Variants in ASIC5 observed in about 807,000 individuals in gnomAD.
ASIC5 encodes acid sensing ion channel subunit family member 5, also known as bile acid-sensitive ion channel.
ASIC5 carries 52 observed loss-of-function variants against 51.2 expected under a neutral mutation model. The ratio of observed to expected loss-of-function variants is 1.02; its 90% CI spans 0.81 to 1.28. The LOEUF (loss-of-function observed/expected upper bound fraction) is 1.28. Among genes scored for constraint, ASIC5 ranks in the 50% most tolerant of loss-of-function variants. The pLI, the probability that ASIC5 is intolerant of heterozygous loss-of-function variation, is 0.00. For synonymous variants in ASIC5, 231 were observed against 200.7 expected, an observed-to-expected ratio of 1.15 and a Z score of -1.28; for missense variants, 635 against 595.0, an observed-to-expected ratio of 1.07 and a Z score of -0.70.
chr4:155,866,115 T>C (rs1419056047), intron 1 of ASIC5, 72 bp downstream of exon 1: 35 of 930,742 alleles, frequency 3.8e-5, no homozygotes, highest in Non-Finnish European at 3.3e-6. Context: ...AGAAAAAAAA[T>C]CTCTCTTTTC....
chr4:155,840,712 C>T lies in ASIC5; in HGVS notation c.1009+1495G>A, dbSNP rs190736053. 4.0e-3 allele frequency among the ~76,000 whole-genome samples: 613 copies of T among 151,992 alleles called. 4 individuals are homozygous for T. Among genetic ancestry groups the T allele is most frequent in the African/African-American group, 0.014 (590 of 41,478 alleles). ...CCTTCCTGCCTGGGGACTAGATTGC[C>T]TATATAGGGCTAACAAATTAGCCAC... is the stretch of plus-strand genomic sequence containing the variant. On this transcript the variant is annotated intron_variant, in intron 6 of 9. Coordinates refer to ENST00000537611, the MANE Select transcript of ASIC5 (RefSeq NM_017419.3).
intron 4 of ASIC5, among the ~76,000 whole-genome samples, chr4:155,845,713 A>C (rs1315653658): frequency 3.3e-5 from 5 of 152,054 alleles, no homozygotes; most frequent in Non-Finnish European, 5.9e-5. Flanking sequence ...ATTATGATAG[A>C]GTTCTATAAT....
chr4:155,832,099 A>C (rs934233618), intron 8 of ASIC5, among the ~76,000 whole-genome samples, 184 bp from the exon 9 acceptor site: 2 of 152,258 alleles, frequency 1.3e-5, no homozygotes, highest in Non-Finnish European at 2.9e-5. Context: ...GTTTTTAAGA[A>C]AAAATAATTT....
chr4:155,850,734 C>T (rs1022877101), intron 4 of ASIC5, among the ~76,000 whole-genome samples: 1 of 152,020 alleles, frequency 6.6e-6, no homozygotes, highest in African/African-American at 2.4e-5. Flanking sequence ...TGGCCCTCTT[C>T]ATTTTGCAAT....
At chr4:155,837,418 C>T (rs1246622357) in intron 7 of ASIC5, among the ~76,000 whole-genome samples, 2 of 152,130 alleles carry the variant, frequency 1.3e-5, no homozygotes, top group African/African-American at 4.8e-5. Flanking sequence ...TTCAGAGCAA[C>T]CAGGCTGTCC....
chr4:155,847,504 T>A (rs966593079), intron 4 of ASIC5, among the ~76,000 whole-genome samples: 1 of 152,042 alleles, frequency 6.6e-6, no homozygotes, highest in Non-Finnish European at 1.5e-5. Context: ...GTGGATCACC[T>A]GAGGTCAGGA....
At chr4:155,853,792 T>C (rs1023796011) in intron 3 of ASIC5, among the ~76,000 whole-genome samples, 6 of 151,782 alleles carry the variant, frequency 4.0e-5, no homozygotes, top group African/African-American at 1.4e-4. Context: ...AAAATTAAAA[T>C]ATCCTCTTGT....
At chr4:155,861,899 T>G (rs1026042690) in intron 2 of ASIC5, among the ~76,000 whole-genome samples, 7 of 152,110 alleles carry the variant, frequency 4.6e-5, no homozygotes, top group African/African-American at 1.7e-4. Flanking sequence ...CCTCAACTTA[T>G]GTAATTATAT....
intron 9 of ASIC5, among the ~76,000 whole-genome samples, chr4:155,831,552 A>G (rs1033446609): frequency 2.6e-5 from 4 of 152,148 alleles, no homozygotes; most frequent in Non-Finnish European, 5.9e-5. Context: ...TGGGCGGATC[A>G]CGGGGTCAGG....
rs772468561 is a variant in ASIC5, at chr4:155,836,802, G to A, written c.1122C>T (p.Pro374=). The A allele has an allele frequency of 1.7e-5, 27 of 1,608,500 alleles. No individual in the cohort carries two copies. In the South Asian group the frequency reaches 1.9e-4, roughly 11 times the overall value. The change falls in exon 8 of 10, where the codon CCC becomes CCT. Residue 374 remains proline (P), a synonymous_variant. Coordinates refer to ENST00000537611, the MANE Select transcript of ASIC5 (RefSeq NM_017419.3). Reference sequence around the variant, plus strand: ...GGTATTCTATTTCTTCACAAGAAACGGGGCAGCTAGAGTTATGTGTTCCTA... The same window carrying A: ...GGTATTCTATTTCTTCACAAGAAACAGGGCAGCTAGAGTTATGTGTTCCTA... The part of the protein sequence containing the change: ...CTVGTHNSSC[P]VSCEEIEYPA...
chr4:155,855,729 T>G (rs1741519743), intron 2 of ASIC5, among the ~76,000 whole-genome samples: 1 of 149,472 alleles, frequency 6.7e-6, no homozygotes, highest in Non-Finnish European at 1.5e-5. Context: ...TATGTGTGTG[T>G]ATATATATAC....
rs764439966 is a variant in ASIC5 at position 155,863,497 on chromosome 4, A to C, written c.298T>G (p.Tyr100Asp). 1 of 1,613,632 alleles carries C rather than the reference A, an allele frequency of 6.2e-7. No homozygotes were observed. The highest frequency in any genetic ancestry group is 1.3e-5 in the African/African-American group (1 of 74,912). ...WPTTTSIEVQYVEKMEFPAVT... is the reference protein window; with the variant it reads ...WPTTTSIEVQDVEKMEFPAVT... ...GCTGGGAACTCCATCTTTTCCACAT[A>C]TTGAACCTCAATGGACGTTGTGGTT... is the stretch of plus-strand genomic sequence containing the variant. Residue 100 changes from tyrosine (Y) to aspartate (D), a missense_variant, in exon 2 of 10, where the codon TAT becomes GAT. Transcript: ENST00000537611.
chr4:155,856,499 C>A (rs1305230798), intron 2 of ASIC5, among the ~76,000 whole-genome samples: 1 of 152,102 alleles, frequency 6.6e-6, no homozygotes, highest in South Asian at 2.1e-4. Context: ...CTGATACTTG[C>A]AAAGCTAGCC....
chr4:155,836,645 A>AT (rs1182810540), intron 8 of ASIC5, 44 bp downstream of exon 8: 4 of 1,290,912 alleles, frequency 3.1e-6, no homozygotes. Flanking sequence ...AAGAAAAAAA[A>AT]ATCTATGTTA....
rs180999003 is a variant in ASIC5, at chr4:155,849,777, G to T, written c.711+2414C>A. Among the ~76,000 whole-genome samples, 4 of 151,956 alleles carry T rather than the reference G, an allele frequency of 2.6e-5. No homozygotes were observed. In the East Asian group the frequency reaches 5.8e-4, roughly 22 times the overall value. The stretch of plus-strand genomic sequence containing the variant: ...GAAAACTAAGCTGTGCTTTCTTAAA[G>T]TCCGGCAAACTGAAGCCAGTCAACT... On this transcript the variant is annotated intron_variant, in intron 4 of 9. Transcript: ENST00000537611.
intron 4 of ASIC5, among the ~76,000 whole-genome samples, chr4:155,848,559 C>T (rs1741308716): frequency 6.6e-6 from 1 of 152,042 alleles, no homozygotes; most frequent in Admixed American, 6.6e-5. Context: ...TTGTGTACCA[C>T]TGAGGTAACA....
chr4:155,855,786 A>T (rs2110744574), intron 2 of ASIC5, among the ~76,000 whole-genome samples: 1 of 151,678 alleles, frequency 6.6e-6, no homozygotes, highest in South Asian at 2.1e-4. Context: ...TCTAAAAGAC[A>T]TTTTTTGACA....
intron 9 of ASIC5, among the ~76,000 whole-genome samples, chr4:155,830,959 C>G (rs530103938): frequency 1.3e-5 from 2 of 152,300 alleles, no homozygotes; most frequent in East Asian, 3.9e-4. Flanking sequence ...CATATTTCCT[C>G]CATATTCAGG....
At chr4:155,831,952 T>C in intron 8 of ASIC5, 37 bp from the exon 9 acceptor site, 1 of 1,112,714 alleles carries the variant, frequency 9.0e-7, no homozygotes. Flanking sequence ...AGCTTAAGAT[T>C]GTCAGCATTA....
Sources: allele counts gnomAD v4.1 joint callset (sites outside exome capture counted in the v4.1 genomes callset), GRCh38; gene constraint gnomAD v4.1.1; transcripts MANE v1.5; gene names NCBI Gene and HGNC (gene_info 2026-07-23, HGNC 2026-07-21).